The following GALNTL6 variants were observed in gnomAD, a reference collection of about 807,000 sequenced individuals.
The protein encoded by GALNTL6 is polypeptide N-acetylgalactosaminyltransferase like 6.
A neutral mutation model predicts 73.7 loss-of-function variants in GALNTL6; 46 were observed. The observed-to-expected ratio is 0.62, with a 90% CI of 0.49 to 0.80. The LOEUF (loss-of-function observed/expected upper bound fraction) is 0.80. GALNTL6 is among the 30% of genes least tolerant of loss of function. The pLI, the probability that GALNTL6 is intolerant of heterozygous loss-of-function variation, is 0.00. For synonymous variants in GALNTL6, 259 were observed against 263.7 expected, an observed-to-expected ratio of 0.98 and a Z score of 0.17; for missense variants, 604 against 755.0, an observed-to-expected ratio of 0.80 and a Z score of 2.34.
At chr4:172,696,813 A>G (rs2111275608) in intron 5 of GALNTL6, among the ~76,000 whole-genome samples, 1 of 152,344 alleles carries the variant, frequency 6.6e-6, no homozygotes, top group East Asian at 1.9e-4. Flanking sequence ...ACACAGATTA[A>G]GAGAAAAAAA....
intron 5 of GALNTL6, among the ~76,000 whole-genome samples, chr4:172,692,267 A>T (rs1733354319): frequency 6.6e-6 from 1 of 152,062 alleles, no homozygotes; most frequent in African/African-American, 2.4e-5. Flanking sequence ...TGACATTTTG[A>T]CTATTTGCAG....
intron 2 of GALNTL6, among the ~76,000 whole-genome samples, chr4:172,125,251 TAAAG>T (rs565758070): frequency 5.5e-4 from 83 of 152,182 alleles, no homozygotes; most frequent in African/African-American, 1.9e-3. Context: ...ATAATCTAAA[TAAAG>T]ACAGAATTTT....
intron 3 of GALNTL6, among the ~76,000 whole-genome samples, chr4:172,273,344 G>A (rs943723067): frequency 1.3e-4 from 20 of 152,100 alleles, no homozygotes; most frequent in African/African-American, 4.3e-4. Flanking sequence ...GGCAAAAATC[G>A]GTTGGCAAAG....
At chr4:172,461,618 A>G (rs141566733) in intron 5 of GALNTL6, among the ~76,000 whole-genome samples, 135 of 152,314 alleles carry the variant, frequency 8.9e-4, no homozygotes, top group African/African-American at 3.1e-3. Context: ...TTCTTTTTGC[A>G]TGACTAAGAG....
intron 2 of GALNTL6, among the ~76,000 whole-genome samples, chr4:172,042,347 G>T (rs1560897301): frequency 1.3e-5 from 2 of 151,968 alleles, no homozygotes; most frequent in Admixed American, 1.3e-4. Context: ...TACTGACCTT[G>T]ATGTTTCTAA....
intron 5 of GALNTL6, among the ~76,000 whole-genome samples, chr4:172,719,586 A>G (rs1199553324): frequency 6.6e-6 from 1 of 152,182 alleles, no homozygotes; most frequent in Non-Finnish European, 1.5e-5. Context: ...AGAATAGCAT[A>G]CTTGACTCAG....
intron 2 of GALNTL6, among the ~76,000 whole-genome samples, chr4:172,200,813 G>C (rs931820028): frequency 1.3e-5 from 2 of 152,218 alleles, no homozygotes; most frequent in East Asian, 3.9e-4. Flanking sequence ...ATTGTTACAG[G>C]GTGAGTTATG....
chr4:172,568,519 G>A (rs1307774546), intron 5 of GALNTL6, among the ~76,000 whole-genome samples: 1 of 152,028 alleles, frequency 6.6e-6, no homozygotes, highest in Non-Finnish European at 1.5e-5. Context: ...CACTTTGGGA[G>A]GCCGAGGCGG....
chr4:172,979,332 CTCTT>C (rs1321653286), intron 10 of GALNTL6, among the ~76,000 whole-genome samples: 1 of 152,182 alleles, frequency 6.6e-6, no homozygotes, highest in Non-Finnish European at 1.5e-5. Context: ...CAAATATTCT[CTCTT>C]TAAGAAAATT....
At position 172,594,970 on chromosome 4, in the gene GALNTL6, C is replaced by G. The variant is rs183177095; in HGVS notation, c.554-214391C>G. 1.0e-3 allele frequency among the ~76,000 whole-genome samples: 152 copies of G among 152,108 alleles called. 1 individual carries two copies. Among genetic ancestry groups the G allele is most frequent in the African/African-American group, 3.4e-3 (139 of 41,482 alleles). On this transcript the variant is annotated intron_variant, in intron 5 of 12. Coordinates refer to ENST00000506823, the MANE Select transcript of GALNTL6 (RefSeq NM_001034845.3). ...GTTAAGAATAAGAGGTCAGGGTGGC[C>G]CCGTGGTTGAGTTCTGATGAGGGCC...
At chr4:171,826,464 T>C (rs1471709023) in intron 2 of GALNTL6, among the ~76,000 whole-genome samples, 1 of 152,124 alleles carries the variant, frequency 6.6e-6, no homozygotes, top group African/African-American at 2.4e-5. Flanking sequence ...TTTCAGCCTT[T>C]TCCTCTCAAA....
At chr4:172,117,415 G>C (rs1289788480) in intron 2 of GALNTL6, among the ~76,000 whole-genome samples, 2 of 152,048 alleles carry the variant, frequency 1.3e-5, no homozygotes, top group Non-Finnish European at 2.9e-5. Context: ...GCTTATAAAG[G>C]CTTTATGTGT....
chr4:172,483,742 A>G (rs1453241761), intron 5 of GALNTL6, among the ~76,000 whole-genome samples: 1 of 152,216 alleles, frequency 6.6e-6, no homozygotes, highest in Non-Finnish European at 1.5e-5. Context: ...CTTAAGATAC[A>G]AGGGGGAGAG....
intron 5 of GALNTL6, among the ~76,000 whole-genome samples, chr4:172,353,155 G>C (rs1578985702): frequency 6.6e-6 from 1 of 152,064 alleles, no homozygotes; most frequent in African/African-American, 2.4e-5. Flanking sequence ...AATTGGGGTT[G>C]AATGGCCAGG....
chr4:173,026,860 G>C (rs1198232939), intron 12 of GALNTL6, among the ~76,000 whole-genome samples: 2 of 151,982 alleles, frequency 1.3e-5, no homozygotes, highest in Non-Finnish European at 2.9e-5. Flanking sequence ...ATGATTCGTG[G>C]GTTTTGTGTT....
At chr4:172,739,803 A>G (rs1579419894) in intron 5 of GALNTL6, among the ~76,000 whole-genome samples, 1 of 152,104 alleles carries the variant, frequency 6.6e-6, no homozygotes, top group Non-Finnish European at 1.5e-5. Flanking sequence ...CATAAGTTAT[A>G]GAATATAGCT....
intron 5 of GALNTL6, among the ~76,000 whole-genome samples, chr4:172,631,489 C>A (rs556299588): frequency 6.6e-6 from 1 of 152,274 alleles, no homozygotes; most frequent in East Asian, 1.9e-4. Flanking sequence ...ACAAAATTTT[C>A]ATTACAATAA....
chr4:172,049,757 G>T (rs1040515827), intron 2 of GALNTL6, among the ~76,000 whole-genome samples: 2 of 152,156 alleles, frequency 1.3e-5, no homozygotes, highest in Non-Finnish European at 1.5e-5. Flanking sequence ...GCCAAGGCAG[G>T]TGGATCACCT....
At chr4:172,464,661 C>T (rs761813582) in intron 5 of GALNTL6, among the ~76,000 whole-genome samples, 31 of 151,844 alleles carry the variant, frequency 2.0e-4, no homozygotes, top group African/African-American at 7.0e-4. Flanking sequence ...GAGCCGAGAT[C>T]GCACCACTGC....
Sources: allele counts gnomAD v4.1 joint callset (sites outside exome capture counted in the v4.1 genomes callset), GRCh38; gene constraint gnomAD v4.1.1; transcripts MANE v1.5; gene names NCBI Gene and HGNC (gene_info 2026-07-23, HGNC 2026-07-21).